CADPS: variants seen among roughly 807,000 people sequenced by gnomAD.
CADPS encodes the protein calcium-dependent secretion activator 1.
A neutral mutation model predicts 167.3 loss-of-function variants in CADPS; 57 were observed. The ratio of observed to expected loss-of-function variants is 0.34; its 90% CI spans 0.28 to 0.42. CADPS has a LOEUF of 0.42. Among genes scored for constraint, CADPS ranks in the 20% least tolerant of loss-of-function variants. The pLI is 1.00. For synonymous variants in CADPS, 676 were observed against 635.3 expected, an observed-to-expected ratio of 1.06 and a Z score of -0.96; for missense variants, 1,414 against 1,738.1, an observed-to-expected ratio of 0.81 and a Z score of 3.32.
intron 27 of CADPS, among the ~76,000 whole-genome samples, chr3:62,443,807 T>G (rs950600461): frequency 1.3e-5 from 2 of 152,196 alleles, no homozygotes; most frequent in African/African-American, 4.8e-5. Flanking sequence ...TATGTCTTCA[T>G]AGTAGCATGA....
rs151120077 is a variant in CADPS at position 62,619,949 on chromosome 3, G to A, written c.1325+25773C>T. Among the ~76,000 whole-genome samples, 427 of 152,238 alleles carry A rather than the reference G, an allele frequency of 2.8e-3. 1 individual carries two copies. The highest frequency in any genetic ancestry group is 6.5e-3 in the Admixed American group (100 of 15,270). Reference sequence around the variant, plus strand: ...GACACATCTCTTGGTTTGAGGTGACGATTATGGATTATTTTGTTGCCTTTG... The same window carrying A: ...GACACATCTCTTGGTTTGAGGTGACAATTATGGATTATTTTGTTGCCTTTG... On this transcript the variant is annotated intron_variant, in intron 6 of 29. Coordinates refer to ENST00000383710, the MANE Select transcript of CADPS (RefSeq NM_003716.4).
At chr3:62,579,982 G>C (rs931901539) in intron 8 of CADPS, among the ~76,000 whole-genome samples, 2 of 152,152 alleles carry the variant, frequency 1.3e-5, no homozygotes, top group Non-Finnish European at 2.9e-5. Context: ...GATTTATCTT[G>C]AAGATGGAGT....
intron 3 of CADPS, among the ~76,000 whole-genome samples, chr3:62,740,747 G>C (rs1304871680): frequency 6.6e-6 from 1 of 151,974 alleles, no homozygotes; most frequent in Non-Finnish European, 1.5e-5. Flanking sequence ...ACCAACCCAG[G>C]CTATCATTTA....
chr3:62,630,635 G>A (rs898346377), intron 6 of CADPS, among the ~76,000 whole-genome samples: 11 of 152,118 alleles, frequency 7.2e-5, no homozygotes, highest in Admixed American at 2.0e-4. Flanking sequence ...GATTACAGCC[G>A]TGAGCCACCA....
At chr3:62,725,668 C>T (rs2076615654) in intron 3 of CADPS, among the ~76,000 whole-genome samples, 2 of 151,104 alleles carry the variant, frequency 1.3e-5, no homozygotes, top group Non-Finnish European at 2.9e-5. Context: ...GGTACATTTG[C>T]TATTATTATT....
intron 10 of CADPS, among the ~76,000 whole-genome samples, chr3:62,553,594 G>T (rs2077651407): frequency 6.6e-6 from 1 of 152,168 alleles, no homozygotes; most frequent in African/African-American, 2.4e-5. Context: ...ACAATAAAAT[G>T]AAGCCTAATT....
At chr3:62,856,150 G>A (rs1196751512) in intron 1 of CADPS, among the ~76,000 whole-genome samples, 2 of 152,086 alleles carry the variant, frequency 1.3e-5, no homozygotes, top group African/African-American at 2.4e-5. Flanking sequence ...GAAGTGCTCA[G>A]GTGTATTAGA....
Position 62,552,145 on chromosome 3 carries a change from G to A in CADPS, c.1754-2030C>T, listed in dbSNP as rs116689416. ...TCAAGGTTAAAATTTAGCGAGAAGT[G>A]CATGTTCTCACTCATAGGTGGGAAT... is the stretch of plus-strand genomic sequence containing the variant. On this transcript the variant is annotated intron_variant, in intron 10 of 29. Transcript: ENST00000383710. 7.2e-3 allele frequency among the ~76,000 whole-genome samples: 1,066 copies of A among 147,880 alleles called. 18 individuals carry two copies. The highest frequency in any genetic ancestry group is 0.025 in the African/African-American group (1,002 of 40,004).
At chr3:62,659,515 T>C (rs931694115) in intron 4 of CADPS, among the ~76,000 whole-genome samples, 6 of 152,212 alleles carry the variant, frequency 3.9e-5, no homozygotes, top group Non-Finnish European at 1.5e-5. Flanking sequence ...GATTGTGGGC[T>C]CCTTGACATC....
At chr3:62,490,006 C>T (rs2063443661) in intron 21 of CADPS, among the ~76,000 whole-genome samples, 1 of 152,142 alleles carries the variant, frequency 6.6e-6, no homozygotes, top group African/African-American at 2.4e-5. Context: ...TGGTTATTAA[C>T]CTCCCTGCAA....
chr3:62,491,014 G>A (rs994033059), intron 21 of CADPS, among the ~76,000 whole-genome samples: 2 of 152,152 alleles, frequency 1.3e-5, no homozygotes, highest in Admixed American at 6.5e-5. Flanking sequence ...CTGAATCCTA[G>A]AGATAACACC....
Position 62,746,915 on chromosome 3 carries a change from C to T in CADPS, c.888+6526G>A, listed in dbSNP as rs191659389. ...TAGAAAAATTGAGATAATAAGTGGG[C>T]ATTCTTTTAAGCTGCTAAATTTGTG... On this transcript the variant is annotated intron_variant, in intron 3 of 29. Coordinates refer to ENST00000383710, the MANE Select transcript of CADPS (RefSeq NM_003716.4). 2.0e-5 allele frequency among the ~76,000 whole-genome samples: 3 copies of T among 152,284 alleles called. No homozygotes were observed. In the East Asian group the frequency reaches 5.8e-4, roughly 29 times the overall value.
intron 6 of CADPS, among the ~76,000 whole-genome samples, chr3:62,633,009 G>A (rs754942191): frequency 5.3e-5 from 8 of 152,164 alleles, no homozygotes; most frequent in Non-Finnish European, 7.4e-5. Context: ...GTCATTCACC[G>A]AGACGCTAGC....
At chr3:62,825,911 C>T (rs17280571) in intron 1 of CADPS, among the ~76,000 whole-genome samples, 31,045 of 152,054 alleles carry the variant, frequency 0.2, 3,605 homozygotes, top group Middle Eastern at 0.41. Context: ...GGGAGATTTT[C>T]GCAGCACTTA....
chr3:62,542,865 T>C (rs2075917936), intron 11 of CADPS, among the ~76,000 whole-genome samples: 1 of 152,152 alleles, frequency 6.6e-6, no homozygotes, highest in South Asian at 2.1e-4. Context: ...TCAAGCAAAA[T>C]AAATAAATGA....
chr3:62,736,504 A>G (rs1399572325), intron 3 of CADPS, among the ~76,000 whole-genome samples: 2 of 152,216 alleles, frequency 1.3e-5, no homozygotes, highest in Non-Finnish European at 2.9e-5. Context: ...ATTTTTAAAT[A>G]AGCATTTTTT....
In CADPS at chr3:62,399,269, G is replaced by T; in HGVS notation, c.*137C>A. The T allele has an allele frequency of 1.4e-6, 1 of 727,002 alleles. No individual in the cohort carries two copies. Among genetic ancestry groups the T allele is most frequent in the Non-Finnish European group, 2.3e-6 (1 of 438,856 alleles). 45.0% of individuals were successfully genotyped at this position (727,002 alleles called of 1,614,324 possible). A position where few individuals can be genotyped will look rare whatever the true frequency, so the allele number is the denominator to read the frequency against. ...CATTTGCTAATCTTGGTACCACATAGCTAAAATGGCAGTTGTATTGATAAA... is the reference window on the plus strand; with the variant it reads ...CATTTGCTAATCTTGGTACCACATATCTAAAATGGCAGTTGTATTGATAAA... On this transcript the variant is annotated 3_prime_UTR_variant, in exon 30 of 30. Coordinates refer to ENST00000383710, the MANE Select transcript of CADPS (RefSeq NM_003716.4). The surrounding 1 kb of genome is among the most constrained non-coding windows in gnomAD (Gnocchi z 5.6).
At position 62,550,079 on chromosome 3, in the gene CADPS, T is replaced by C. The variant is rs1465225996; in HGVS notation, c.1790A>G (p.Lys597Arg). 6.2e-7 allele frequency: 1 copy of C among 1,614,052 alleles called. No homozygotes were observed. ...EGGRAFFNAV[K>R]EGDTVIFASD... ...GGCAAATATCACGGTGTCTCCCTCC[T>C]TGACAGCATTGAAGAAGGCTCGGCC... Residue 597 changes from lysine to arginine, a missense_variant, in exon 11 of 30, where the codon AAG becomes AGG. Physicochemically the swap from Lys to Arg is conservative, Grantham distance 26. Transcript: ENST00000383710.
At chr3:62,851,138 T>C (rs1431342064) in intron 1 of CADPS, among the ~76,000 whole-genome samples, 1 of 131,684 alleles carries the variant, frequency 7.6e-6, no homozygotes, top group Non-Finnish European at 1.6e-5. Flanking sequence ...TAGATCTTCC[T>C]CCATCCTTTT....
Sources: gnomAD v4.1 joint callset for allele counts (sites outside exome capture counted in the v4.1 genomes callset) on GRCh38, gnomAD v4.1.1 for gene constraint, Gnocchi (gnomAD v3.1) non-coding constraint, MANE v1.5 for transcripts, NCBI Gene and HGNC (gene_info 2026-07-23, HGNC 2026-07-21) for gene names.